Variants in GLRX3 observed in about 807,000 individuals in gnomAD.
GLRX3 encodes glutaredoxin-3.
GLRX3 carries 22 observed loss-of-function variants against 49.5 expected under a neutral mutation model. That is an observed-to-expected ratio of 0.44 (90% confidence interval 0.32 to 0.63). The LOEUF is 0.63. Among genes scored for constraint, GLRX3 ranks in the 30% least tolerant of loss-of-function variants. The probability of loss-of-function intolerance (pLI) is 0.05; values close to 1 mark genes in which losing one functional copy is unlikely to be tolerated. For missense variants in GLRX3, 385 were observed against 396.3 expected, an observed-to-expected ratio of 0.97 and a Z score of 0.24; for synonymous variants, 133 against 140.0, an observed-to-expected ratio of 0.95 and a Z score of 0.35.
intron 1 of GLRX3, among the ~76,000 whole-genome samples, chr10:130,144,853 T>A (rs1458633219): frequency 6.6e-6 from 1 of 152,234 alleles, no homozygotes; most frequent in Non-Finnish European, 1.5e-5. Context: ...CAAATGGTAT[T>A]TCTGGTTCTA....
intron 4 of GLRX3, among the ~76,000 whole-genome samples, chr10:130,163,299 G>A (rs765197003): frequency 2.6e-5 from 4 of 152,070 alleles, no homozygotes; most frequent in African/African-American, 4.8e-5. Flanking sequence ...GTGGAGTCCT[G>A]TAATTCCAGC....
Sources: gnomAD v4.1 joint callset for allele counts (sites outside exome capture counted in the v4.1 genomes callset) on GRCh38, gnomAD v4.1.1 for gene constraint, MANE v1.5 for transcripts, NCBI Gene and HGNC (gene_info 2026-07-23, HGNC 2026-07-21) for gene names.